Variants in PAN3 observed in about 807,000 individuals in gnomAD.
PAN3 encodes the protein PAN2-PAN3 deadenylation complex subunit PAN3.
PAN3 carries 19 observed loss-of-function variants against 96.2 expected under a neutral mutation model. The ratio of observed to expected loss-of-function variants is 0.20; its 90% CI spans 0.14 to 0.29. The LOEUF (loss-of-function observed/expected upper bound fraction) is 0.29. Among genes scored for constraint, PAN3 ranks in the 10% least tolerant of loss-of-function variants. The pLI is 1.00. For missense variants in PAN3, 882 were observed against 1,108.1 expected (o/e 0.80, Z 2.90); for synonymous variants, 433 against 406.6 (o/e 1.06, Z -0.78).
At chr13:28,181,116 A>G (rs970720180) in intron 4 of PAN3, among the ~76,000 whole-genome samples, 1 of 152,226 alleles carries the variant, frequency 6.6e-6, no homozygotes, top group Non-Finnish European at 1.5e-5. Context: ...AGCTTTAGTA[A>G]ACTCTAATTC....
intron 3 of PAN3, among the ~76,000 whole-genome samples, chr13:28,176,816 G>A (rs1330799929): frequency 6.6e-6 from 1 of 150,984 alleles, no homozygotes; most frequent in Admixed American, 6.6e-5. Context: ...AAACCAACTT[G>A]GGCAATATAA....
intron 4 of PAN3, among the ~76,000 whole-genome samples, chr13:28,182,028 G>C (rs1424809561): frequency 6.6e-6 from 1 of 152,176 alleles, no homozygotes; most frequent in Admixed American, 6.5e-5. Context: ...TTTGACCACT[G>C]TTATGAAAAG....
chr13:28,170,782 G>A (rs902119707), intron 1 of PAN3, among the ~76,000 whole-genome samples: 12 of 151,918 alleles, frequency 7.9e-5, no homozygotes, highest in African/African-American at 2.9e-4. Context: ...GATAAATGAC[G>A]AATGTCTTTA....
At chr13:28,142,149 T>C (rs1869939632) in intron 1 of PAN3, among the ~76,000 whole-genome samples, 1 of 152,144 alleles carries the variant, frequency 6.6e-6, no homozygotes, top group Admixed American at 6.6e-5. Context: ...TCATAAGGAA[T>C]CACAACCTAG....
chr13:28,163,759 TTA>T (rs1566149118), intron 1 of PAN3, among the ~76,000 whole-genome samples: 1 of 152,184 alleles, frequency 6.6e-6, no homozygotes, highest in African/African-American at 2.4e-5. Context: ...AGTTCAATCG[TTA>T]TATGATTCTT....
intron 1 of PAN3, among the ~76,000 whole-genome samples, chr13:28,149,800 A>G (rs1395474368): frequency 1.3e-5 from 2 of 152,084 alleles, no homozygotes; most frequent in African/African-American, 2.4e-5. Context: ...AATTTTTTGT[A>G]GAGATAGGGT....
intron 1 of PAN3, among the ~76,000 whole-genome samples, chr13:28,170,365 A>AT (rs1301140294): frequency 6.6e-6 from 1 of 152,144 alleles, no homozygotes; most frequent in Non-Finnish European, 1.5e-5. Flanking sequence ...ATATTCATTA[A>AT]TTTTACCAGT....
intron 5 of PAN3, among the ~76,000 whole-genome samples, chr13:28,219,361 T>C (rs560183590): frequency 6.6e-6 from 1 of 152,274 alleles, no homozygotes; most frequent in East Asian, 1.9e-4. Flanking sequence ...ATACTCGTTT[T>C]GGAGTTTACA....
At chr13:28,223,870 G>A (rs1229814629) in intron 6 of PAN3, among the ~76,000 whole-genome samples, 1 of 115,682 alleles carries the variant, frequency 8.6e-6, no homozygotes, top group Non-Finnish European at 1.7e-5. Context: ...CATGAAAAGT[G>A]ATTTTTTTTT....
intron 1 of PAN3, among the ~76,000 whole-genome samples, chr13:28,151,273 T>C (rs974065031): frequency 6.6e-6 from 1 of 152,124 alleles, no homozygotes; most frequent in Non-Finnish European, 1.5e-5. Flanking sequence ...CCCAGCACTT[T>C]GGGAGGCCGA....
intron 5 of PAN3, chr13:28,215,954 A>C (rs1880705340): frequency 1.3e-5 from 13 of 994,506 alleles, no homozygotes; most frequent in Non-Finnish European, 1.9e-5. Context: ...GAATGGTCTC[A>C]GGACTGTTAG....
intron 5 of PAN3, among the ~76,000 whole-genome samples, chr13:28,206,428 A>G (rs1456077025): frequency 1.3e-5 from 2 of 150,542 alleles, no homozygotes; most frequent in African/African-American, 4.9e-5. Flanking sequence ...GGTTCAAGCA[A>G]TTCTCCTATC....
rs775012036 is a variant in PAN3, at chr13:28,176,474, TAA to T, written c.553-17_553-16del. The T allele has an allele frequency of 4.4e-6, 7 of 1,604,056 alleles. No individual in the cohort carries two copies. In the South Asian group the frequency reaches 7.7e-5, roughly 18 times the overall value. ...CTGTATTCCTCAGTGATGTTATAAA[TAA>T]ATATTTTGTTTTTCAGAGAATGACT... On this transcript the variant is annotated splice_polypyrimidine_tract_variant and intron_variant, in intron 2 of 18. Coordinates refer to ENST00000380958, the MANE Select transcript of PAN3 (RefSeq NM_175854.8).
chr13:28,217,039 G>C (rs1302000382), intron 5 of PAN3, among the ~76,000 whole-genome samples: 2 of 151,654 alleles, frequency 1.3e-5, no homozygotes, highest in Admixed American at 1.3e-4. Context: ...ACTTGAACCC[G>C]GGGGGCAGAA....
chr13:28,225,102 C>T (rs1326454423), intron 6 of PAN3, among the ~76,000 whole-genome samples: 2 of 151,904 alleles, frequency 1.3e-5, no homozygotes, highest in African/African-American at 2.4e-5. Flanking sequence ...TTTAAAAATA[C>T]GGAAAAGTCA....
At chr13:28,217,564 GA>G (rs1880935946) in intron 5 of PAN3, among the ~76,000 whole-genome samples, 1 of 150,658 alleles carries the variant, frequency 6.6e-6, no homozygotes, top group Non-Finnish European at 1.5e-5. Context: ...CCTGGCAACA[GA>G]GTGAGATTCT....
At chr13:28,282,931 T>C (rs1593633792) in intron 17 of PAN3, among the ~76,000 whole-genome samples, 1 of 152,206 alleles carries the variant, frequency 6.6e-6, no homozygotes, top group African/African-American at 2.4e-5. Context: ...CATGTCCTTG[T>C]AGCTTCCTGA....
At chr13:28,285,140 T>C (rs2138740551) in intron 17 of PAN3, among the ~76,000 whole-genome samples, 1 of 152,306 alleles carries the variant, frequency 6.6e-6, no homozygotes, top group Non-Finnish European at 1.5e-5. Context: ...TTGTTACTGG[T>C]ATATATGAGA....
intron 6 of PAN3, among the ~76,000 whole-genome samples, chr13:28,233,385 G>T (rs1882781040): frequency 6.6e-6 from 1 of 151,488 alleles, no homozygotes; most frequent in South Asian, 2.1e-4. Flanking sequence ...TCCTGCCTCA[G>T]CCTCCTGAGT....
Sources: allele counts gnomAD v4.1 joint callset (sites outside exome capture counted in the v4.1 genomes callset), GRCh38; gene constraint gnomAD v4.1.1; transcripts MANE v1.5; gene names NCBI Gene and HGNC (gene_info 2026-07-23, HGNC 2026-07-21).